Variants in TRAIP observed in about 807,000 individuals in gnomAD.
TRAIP encodes TRAF interacting protein.
Under a neutral mutation model 65.0 loss-of-function variants are expected in TRAIP, and 37 were observed. The ratio of observed to expected loss-of-function variants is 0.57; its 90% CI spans 0.44 to 0.75. The LOEUF is 0.75. Among genes scored for constraint, TRAIP ranks in the 30% least tolerant of loss-of-function variants. The pLI, the probability that TRAIP is intolerant of heterozygous loss-of-function variation, is 0.00. For missense variants in TRAIP, 481 were observed against 579.4 expected (o/e 0.83, Z 1.74); for synonymous variants, 187 against 219.1 (o/e 0.85, Z 1.29).
intron 10 of TRAIP, among the ~76,000 whole-genome samples, chr3:49,839,267 G>A (rs528865174): frequency 1.7e-4 from 26 of 152,168 alleles, no homozygotes; most frequent in African/African-American, 5.8e-4. Flanking sequence ...CCTTGCTGGG[G>A]ACTTTTGGCA....
At position 49,829,462 on chromosome 3, in the gene TRAIP, T is replaced by A. The variant is rs2081712701; in HGVS notation, c.1283A>T (p.Gln428Leu). 1 of 1,613,916 alleles carries A rather than the reference T, an allele frequency of 6.2e-7. No individual in the cohort carries two copies. The highest frequency in any genetic ancestry group is 8.5e-7 in the Non-Finnish European group (1 of 1,179,998). Residue 428 changes from glutamine (Q) to leucine (L), a missense_variant, in exon 14 of 15, where the codon CAG becomes CTG. Transcript: ENST00000331456. ...DGLGGRTKFI[Q>L]PTDTVMIRPL... ...AACATCACAGGAAAAGGATACAGGCTGGATGAATTTTGTCCGGCCACCGAG... is the reference window on the plus strand; with the variant it reads ...AACATCACAGGAAAAGGATACAGGCAGGATGAATTTTGTCCGGCCACCGAG...
rs768662114 is a variant in TRAIP at position 49,847,551 on chromosome 3, T to TCTC, written c.211_213dup (p.Glu71dup). ...TTTAAGAATTCTGCATCCAAGACAT[T>TCTC]CTCCTCCTCCTGGGCAAGATCAAAG... On this transcript the variant is annotated inframe_insertion, in exon 3 of 15. Transcript: ENST00000331456. 2 of 1,612,110 alleles carry TCTC rather than the reference T, an allele frequency of 1.2e-6. No homozygotes were observed. Among genetic ancestry groups the TCTC allele is most frequent in the Non-Finnish European group, 8.5e-7 (1 of 1,179,332 alleles).
chr3:49,842,720 GCTT>G (rs995466348), intron 5 of TRAIP, among the ~76,000 whole-genome samples, 173 bp from the exon 6 acceptor site: 33 of 152,242 alleles, frequency 2.2e-4, no homozygotes, highest in African/African-American at 7.0e-4. Context: ...TCTCGCTTGT[GCTT>G]CTTCTTCTAA....
At position 49,848,360 on chromosome 3, in the gene TRAIP, G is replaced by A. The variant is rs140030141; in HGVS notation, c.99-160C>T. On this transcript the variant is annotated intron_variant, in intron 1 of 14. Coordinates refer to ENST00000331456, the MANE Select transcript of TRAIP (RefSeq NM_005879.3). Reference sequence around the variant, plus strand: ...AGCATAGGCAGTTACAGCACCTCCCGCAAGGCCTGATGGGTACTCAGGACT... The same window carrying A: ...AGCATAGGCAGTTACAGCACCTCCCACAAGGCCTGATGGGTACTCAGGACT... 1.5e-3 allele frequency among the ~76,000 whole-genome samples: 236 copies of A among 152,304 alleles called. 4 individuals carry two copies. The South Asian group carries it at 0.017, about 11-fold the overall frequency.
intron 14 of TRAIP, 104 bp from the exon 15 acceptor site, chr3:49,829,329 C>T (rs1400271531): frequency 1.1e-5 from 17 of 1,610,606 alleles, no homozygotes; most frequent in Middle Eastern, 1.7e-4. Context: ...GGGTGGGCGG[C>T]GCTGATACAC....
rs1229723858 is a variant in TRAIP, at chr3:49,841,082, G to T, written c.618-10C>A. ...TAGATTCTCGTACTCTCTGCAATGT[G>T]GCCATGGAAAGAGATGCCAGAAAAG... On this transcript the variant is annotated splice_polypyrimidine_tract_variant and intron_variant, in intron 7 of 14. Transcript: ENST00000331456. 2 of 1,613,544 alleles carry T rather than the reference G, an allele frequency of 1.2e-6. No homozygotes were observed. Among genetic ancestry groups the T allele is most frequent in the Non-Finnish European group, 1.7e-6 (2 of 1,179,462 alleles).
At chr3:49,837,706 C>G (rs932525818) in intron 10 of TRAIP, among the ~76,000 whole-genome samples, 34 of 150,724 alleles carry the variant, frequency 2.3e-4, no homozygotes, top group African/African-American at 4.9e-5. Flanking sequence ...CTCAACCTCT[C>G]AAGTAACTGG....
intron 8 of TRAIP, chr3:49,840,594 A>G (rs913294643): frequency 3.5e-6 from 2 of 572,000 alleles, no homozygotes; most frequent in Non-Finnish European, 6.3e-6. Flanking sequence ...TGGATGCACC[A>G]TGCCAGAAGT....
rs769472431 is a variant in TRAIP at position 49,842,441 on chromosome 3, C to G, written c.503+12G>C. 1.9e-6 allele frequency: 3 copies of G among 1,613,784 alleles called. No individual in the cohort carries two copies. The highest frequency in any genetic ancestry group is 2.2e-5 in the South Asian group (2 of 91,072). On this transcript the variant is annotated intron_variant, in intron 6 of 14. Coordinates refer to ENST00000331456, the MANE Select transcript of TRAIP (RefSeq NM_005879.3). ...GGCAAAGGCACAGTGCAGGACCCAG[C>G]TCCAAACTCACTGCTCCATGGTCTT... is the stretch of plus-strand genomic sequence containing the variant.
intron 4 of TRAIP, 169 bp from the exon 5 acceptor site, chr3:49,844,097 A>G: frequency 2.2e-6 from 2 of 889,466 alleles, no homozygotes; most frequent in Non-Finnish European, 3.3e-6. Context: ...AAACCAGAGA[A>G]GCTGAGCCAG....
chr3:49,838,555 A>G (rs1372747245), intron 10 of TRAIP, among the ~76,000 whole-genome samples: 1 of 152,216 alleles, frequency 6.6e-6, no homozygotes, highest in Non-Finnish European at 1.5e-5. Context: ...CTGCTGTAGG[A>G]GTCCAGGCCT....
chr3:49,839,931 T>C (rs1262419814), intron 9 of TRAIP, 71 bp from the exon 10 acceptor site: 3 of 1,474,012 alleles, frequency 2.0e-6, no homozygotes, highest in African/African-American at 1.4e-5. Context: ...GCAGAGGACA[T>C]GAGCAGCATG....
At chr3:49,842,010 C>T in intron 6 of TRAIP, 71 bp from the exon 7 acceptor site, 1 of 1,237,816 alleles carries the variant, frequency 8.1e-7, no homozygotes, top group Non-Finnish European at 1.2e-6. Context: ...TGCCGCTCTG[C>T]CTTCCTTTGC....
chr3:49,848,279 G>T, intron 1 of TRAIP, 79 bp from the exon 2 acceptor site: 2 of 1,480,758 alleles, frequency 1.4e-6, no homozygotes, highest in Non-Finnish European at 1.9e-6. Flanking sequence ...TTCTGACCAC[G>T]AAAGGGTCTG....
chr3:49,829,836 G>A lies in TRAIP; in HGVS notation c.1087-70C>T, dbSNP rs944727779. 103 of 1,601,280 alleles carry A rather than the reference G, an allele frequency of 6.4e-5. 2 individuals carry two copies. In the South Asian group the frequency reaches 1.1e-3, roughly 17 times the overall value. ...GCAAAGGAGGGAGGGTAGTGGTGGT[G>A]GAACAAGATCAGGATCTCTGATGCC... On this transcript the variant is annotated intron_variant, in intron 12 of 14. Transcript: ENST00000331456.
intron 1 of TRAIP, among the ~76,000 whole-genome samples, chr3:49,848,816 C>T (rs1210113780): frequency 1.3e-5 from 2 of 151,812 alleles, no homozygotes; most frequent in Non-Finnish European, 2.9e-5. Flanking sequence ...CTCATAAACC[C>T]AATAAATATG....
chr3:49,834,215 G>C (rs776280434), intron 10 of TRAIP, among the ~76,000 whole-genome samples: 1 of 152,210 alleles, frequency 6.6e-6, no homozygotes, highest in Admixed American at 6.5e-5. Context: ...GGGCCCATGA[G>C]AGAGATCTTC....
chr3:49,852,267 T>A (rs2081939036), intron 1 of TRAIP, among the ~76,000 whole-genome samples: 1 of 150,566 alleles, frequency 6.6e-6, no homozygotes, highest in African/African-American at 2.4e-5. Flanking sequence ...CTCGGGAGGT[T>A]GACGCAGGAG....
intron 10 of TRAIP, 187 bp downstream of exon 10, chr3:49,839,585 C>G: frequency 1.6e-6 from 1 of 609,496 alleles, no homozygotes; most frequent in Non-Finnish European, 2.9e-6. Context: ...TCTGGCCTCT[C>G]CGTGTCAGAG....
Sources: gnomAD v4.1 joint callset for allele counts (sites outside exome capture counted in the v4.1 genomes callset) on GRCh38, gnomAD v4.1.1 for gene constraint, MANE v1.5 for transcripts, NCBI Gene and HGNC (gene_info 2026-07-23, HGNC 2026-07-21) for gene names.